The following TMEM132D variants were observed in gnomAD, a reference collection of about 807,000 sequenced individuals.
TMEM132D encodes transmembrane protein 132D, also known as mature OL transmembrane protein.
Under a neutral mutation model 62.3 loss-of-function variants are expected in TMEM132D, and 21 were observed. That is an observed-to-expected ratio of 0.34 (90% confidence interval 0.24 to 0.49). The LOEUF (loss-of-function observed/expected upper bound fraction) is 0.49. Among genes scored for constraint, TMEM132D ranks in the 20% least tolerant of loss-of-function variants. The pLI is 0.99. For missense variants in TMEM132D, 1,346 were observed against 1,402.8 expected (o/e 0.96, Z 0.65); for synonymous variants, 621 against 575.6 (o/e 1.08, Z -1.13).
At chr12:129,128,450 G>A (rs1255785184) in intron 5 of TMEM132D, among the ~76,000 whole-genome samples, 1 of 152,090 alleles carries the variant, frequency 6.6e-6, no homozygotes, top group East Asian at 1.9e-4. Context: ...AGTGACTGGG[G>A]AAGGGCCCCA....
chr12:129,711,363 C>T (rs975545318), intron 1 of TMEM132D, among the ~76,000 whole-genome samples: 1 of 152,212 alleles, frequency 6.6e-6, no homozygotes, highest in Admixed American at 6.5e-5. Context: ...TCTCCGCTCC[C>T]AGCAGCGCTA....
intron 3 of TMEM132D, among the ~76,000 whole-genome samples, chr12:129,363,661 G>C (rs928622588): frequency 1.3e-5 from 2 of 152,158 alleles, no homozygotes; most frequent in Non-Finnish European, 2.9e-5. Context: ...AAGTGAAAAA[G>C]CTATGCCACG....
intron 1 of TMEM132D, among the ~76,000 whole-genome samples, chr12:129,701,917 C>A (rs1375771359): frequency 6.6e-6 from 1 of 152,220 alleles, no homozygotes; most frequent in Non-Finnish European, 1.5e-5. Flanking sequence ...CATCCGCCAG[C>A]AGCTGAGAGA....
Position 129,081,792 on chromosome 12 carries a change from C to G in TMEM132D, c.1890G>C (p.Leu630=), listed in dbSNP as rs924390782. 2 of 1,611,408 alleles carry G rather than the reference C, an allele frequency of 1.2e-6. No homozygotes were observed. Among genetic ancestry groups the G allele is most frequent in the Non-Finnish European group, 1.7e-6 (2 of 1,179,354 alleles). ...RIAKLQGGQI[L]MGQELGMTTI... ...TGGTCATCCCAAGCTCCTGCCCCAT[C>G]AGGATCTGTCCGCCTTGCAGCTTGG... The change falls in exon 7 of 9, where the codon CTG becomes CTC. Residue 630 remains leucine (L), a synonymous_variant. Transcript: ENST00000422113.
In TMEM132D at chr12:129,073,629, T is replaced by TTCAAG. The variant is rs1344054613; in HGVS notation, c.*241_*245dup. 5 of 402,836 alleles carry TTCAAG rather than the reference T, an allele frequency of 1.2e-5. No individual in the cohort carries two copies. The highest frequency in any genetic ancestry group is 2.0e-5 in the African/African-American group (1 of 48,862). The allele number at this position is 402,836 out of a possible 1,614,324, so 25.0% of individuals were successfully genotyped here. A position where few individuals can be genotyped will look rare whatever the true frequency, so the allele number is the denominator to read the frequency against. ...TCAGTGATTCAGAACTCGTTTTTGT[T>TTCAAG]TCAAGTCTTAAAAATCTTGCCATGC... On this transcript the variant is annotated 3_prime_UTR_variant, in exon 9 of 9. Coordinates refer to ENST00000422113, the MANE Select transcript of TMEM132D (RefSeq NM_133448.3).
In TMEM132D at chr12:129,187,182, A is replaced by C. The variant is rs1033011384; in HGVS notation, c.1443+22338T>G. On this transcript the variant is annotated intron_variant, in intron 5 of 8. Transcript: ENST00000422113. The stretch of plus-strand genomic sequence containing the variant: ...CAATAGAGGAGTCCTAGGGGGATGG[A>C]GGAGCCATAAGATGGAAAGAGCTTG... Among the ~76,000 whole-genome samples, 3 of 152,182 alleles carry C rather than the reference A, an allele frequency of 2.0e-5. No individual in the cohort carries two copies. The South Asian group carries it at 6.2e-4, about 32-fold the overall frequency.
At chr12:129,279,212 A>G (rs1250064005) in intron 4 of TMEM132D, among the ~76,000 whole-genome samples, 2 of 152,206 alleles carry the variant, frequency 1.3e-5, no homozygotes, top group Non-Finnish European at 2.9e-5. Context: ...AGTTGATATC[A>G]CCTAATTAAT....
chr12:129,853,780 T>C (rs1446922188), intron 1 of TMEM132D: 2 of 151,798 alleles, frequency 1.3e-5, no homozygotes, highest in African/African-American at 2.4e-5. Flanking sequence ...TCCGTAGGAG[T>C]TGCATCTTCC....
intron 3 of TMEM132D, among the ~76,000 whole-genome samples, chr12:129,392,638 T>C (rs1871317550): frequency 6.6e-6 from 1 of 152,192 alleles, no homozygotes; most frequent in South Asian, 2.1e-4. Context: ...AAATGCTGAC[T>C]CATGGTGCCC....
chr12:129,537,871 T>C (rs916365723), intron 2 of TMEM132D, among the ~76,000 whole-genome samples: 7 of 152,166 alleles, frequency 4.6e-5, no homozygotes, highest in Admixed American at 3.3e-4. Context: ...AATAGAACAT[T>C]AAAATCCCTA....
intron 1 of TMEM132D, among the ~76,000 whole-genome samples, chr12:129,831,577 T>C (rs1432794365): frequency 6.6e-6 from 1 of 152,216 alleles, no homozygotes. Flanking sequence ...ACGTGAATGC[T>C]TTAGACCATG....
At chr12:129,099,072 G>C (rs937428132) in intron 5 of TMEM132D, among the ~76,000 whole-genome samples, 2 of 152,202 alleles carry the variant, frequency 1.3e-5, no homozygotes, top group Admixed American at 6.5e-5. Flanking sequence ...CAGCCGGATA[G>C]ACTTTTGTCA....
intron 2 of TMEM132D, among the ~76,000 whole-genome samples, chr12:129,614,752 G>A (rs1343524079): frequency 6.6e-6 from 1 of 152,196 alleles, no homozygotes; most frequent in Non-Finnish European, 1.5e-5. Context: ...AGCAGCAGCT[G>A]TAAGTCACAG....
At chr12:129,087,762 C>T (rs1212747085) in intron 5 of TMEM132D, among the ~76,000 whole-genome samples, 1 of 152,234 alleles carries the variant, frequency 6.6e-6, no homozygotes, top group Non-Finnish European at 1.5e-5. Context: ...TCCACCATCT[C>T]ACAAAGCTGC....
chr12:129,488,751 G>A (rs1276538796), intron 3 of TMEM132D, among the ~76,000 whole-genome samples: 5 of 152,006 alleles, frequency 3.3e-5, no homozygotes, highest in African/African-American at 9.7e-5. Context: ...TTCAAGATGC[G>A]GCCAGACAGG....
At chr12:129,092,396 A>G (rs763087763) in intron 5 of TMEM132D, among the ~76,000 whole-genome samples, 2 of 150,844 alleles carry the variant, frequency 1.3e-5, no homozygotes, top group Non-Finnish European at 2.9e-5. Context: ...GACATCCTAC[A>G]GGAATGCTTG....
intron 2 of TMEM132D, among the ~76,000 whole-genome samples, chr12:129,594,347 C>T (rs532135117): frequency 6.6e-6 from 1 of 152,288 alleles, no homozygotes; most frequent in South Asian, 2.1e-4. Context: ...CAGCTACATG[C>T]ACACTAACGT....
chr12:129,417,675 G>A (rs773270106), intron 3 of TMEM132D, among the ~76,000 whole-genome samples: 2 of 152,096 alleles, frequency 1.3e-5, no homozygotes, highest in African/African-American at 2.4e-5. Flanking sequence ...CAAAAGCAAT[G>A]GCAAAAAAGT....
At chr12:129,452,616 T>C (rs1873329839) in intron 3 of TMEM132D, among the ~76,000 whole-genome samples, 1 of 152,146 alleles carries the variant, frequency 6.6e-6, no homozygotes, top group South Asian at 2.1e-4. Flanking sequence ...AATTCATAAT[T>C]TGATAATTGT....
Sources: gnomAD v4.1 joint callset for allele counts (sites outside exome capture counted in the v4.1 genomes callset) on GRCh38, gnomAD v4.1.1 for gene constraint, MANE v1.5 for transcripts, NCBI Gene and HGNC (gene_info 2026-07-23, HGNC 2026-07-21) for gene names.